Variants in SEPTIN9 observed in about 807,000 individuals in gnomAD.
The protein encoded by SEPTIN9 is septin-9.
A neutral mutation model predicts 56.6 loss-of-function variants in SEPTIN9; 13 were observed. That is an observed-to-expected ratio of 0.23 (90% CI 0.15 to 0.37). The LOEUF (loss-of-function observed/expected upper bound fraction) is 0.37, where lower values mean the gene tolerates loss of function less well. Among genes scored for constraint, SEPTIN9 ranks in the 10% least tolerant of loss-of-function variants. The pLI is 1.00. For missense variants in SEPTIN9, 650 were observed against 823.1 expected (o/e 0.79, Z 2.57); for synonymous variants, 332 against 334.1 (o/e 0.99, Z 0.07).
In SEPTIN9 at chr17:77,492,877, G is replaced by A. The variant is rs942702618; in HGVS notation, c.1477-103G>A. On this transcript the variant is annotated intron_variant, in intron 9 of 11. Transcript: ENST00000427177. The surrounding 1 kb of genome is among the most constrained non-coding windows in gnomAD (Gnocchi z 5.4). Reference sequence around the variant, plus strand: ...CCAGTGCTGTCAGGCTGAGGCTCTCGTTTTTGGGGGACCCCAGGCTCAGGG... The same window carrying A: ...CCAGTGCTGTCAGGCTGAGGCTCTCATTTTTGGGGGACCCCAGGCTCAGGG... The A allele has an allele frequency of 2.7e-5, 34 of 1,267,676 alleles. No homozygotes were observed. The Admixed American group carries it at 4.4e-4, about 16-fold the overall frequency. The allele number at this position is 1,267,676 out of a possible 1,614,324, so 78.5% of individuals were successfully genotyped here.
chr17:77,424,724 C>T (rs949002295), intron 3 of SEPTIN9, among the ~76,000 whole-genome samples: 21 of 152,212 alleles, frequency 1.4e-4, no homozygotes, highest in Non-Finnish European at 2.9e-4. Context: ...GTTGCTTTGT[C>T]TGTAAAATGG....
At chr17:77,459,521 G>A (rs1441300912) in intron 3 of SEPTIN9, among the ~76,000 whole-genome samples, 1 of 152,040 alleles carries the variant, frequency 6.6e-6, no homozygotes, top group Non-Finnish European at 1.5e-5. Context: ...CTAATACATT[G>A]TGTTCGTCCA....
At position 77,475,781 on chromosome 17, in the gene SEPTIN9, CAG is replaced by C. The variant is rs2039188096; in HGVS notation, c.722-6362_722-6361del. The C allele has an allele frequency of 6.8e-6, 11 of 1,613,300 alleles. No individual in the cohort carries two copies. The highest frequency in any genetic ancestry group is 9.3e-6 in the Non-Finnish European group (11 of 1,179,880). Reference sequence around the variant, plus strand: ...CCTGGACACGGGCCTGGAAGGCTGACAGGGTGTGGTGAGTGCCACCGGCTCCC... The same window carrying C: ...CCTGGACACGGGCCTGGAAGGCTGACGGTGTGGTGAGTGCCACCGGCTCCC... On this transcript the variant is annotated intron_variant, in intron 3 of 11. Transcript: ENST00000427177. This position sits in a 1 kb window ranked among gnomAD's most constrained non-coding sequence, Gnocchi z 4.6.
intron 3 of SEPTIN9, among the ~76,000 whole-genome samples, chr17:77,418,694 T>G (rs1246831153): frequency 6.6e-6 from 1 of 152,156 alleles, no homozygotes; most frequent in East Asian, 1.9e-4. Context: ...CCACGCCTCC[T>G]CCTTTCCTCA....
chr17:77,385,348 C>T (rs1283415617), intron 2 of SEPTIN9, among the ~76,000 whole-genome samples: 1 of 151,846 alleles, frequency 6.6e-6, no homozygotes, highest in African/African-American at 2.4e-5. Flanking sequence ...AGAGGAAAGC[C>T]TCCATTCGGA....
At chr17:77,480,162 C>G (rs781358283) in intron 3 of SEPTIN9, among the ~76,000 whole-genome samples, 7 of 152,186 alleles carry the variant, frequency 4.6e-5, no homozygotes, top group East Asian at 1.9e-4. Context: ...TGTGGACCCC[C>G]CCTTGGCATT....
At chr17:77,302,102 G>T (rs988728003) in intron 1 of SEPTIN9, among the ~76,000 whole-genome samples, 1 of 152,222 alleles carries the variant, frequency 6.6e-6, no homozygotes, top group Non-Finnish European at 1.5e-5. Flanking sequence ...AATAGTGTCT[G>T]CTCAGATTCT....
Position 77,499,393 on chromosome 17 carries a change from C to T in SEPTIN9, c.*735C>T. 1 of 547,470 alleles carries T rather than the reference C, an allele frequency of 1.8e-6. No homozygotes were observed. The highest frequency in any genetic ancestry group is 3.5e-6 in the Non-Finnish European group (1 of 282,872). 33.9% of individuals were successfully genotyped at this position (547,470 alleles called of 1,614,324 possible). A position where few individuals can be genotyped will look rare whatever the true frequency, so the allele number is the denominator to read the frequency against. The stretch of plus-strand genomic sequence containing the variant: ...ATCCCCCTCTCACGCCACCCCCGCC[C>T]CCACCGGGCTGCAGGTGCTGCTGAT... On this transcript the variant is annotated 3_prime_UTR_variant, in exon 12 of 12. Transcript: ENST00000427177.
intron 3 of SEPTIN9, among the ~76,000 whole-genome samples, chr17:77,427,630 A>G (rs1317543249): frequency 1.3e-5 from 2 of 152,184 alleles, no homozygotes; most frequent in African/African-American, 4.8e-5. Flanking sequence ...GTAGGTTGAC[A>G]TTGTCAGCCT....
rs34170928 is a variant in SEPTIN9 at position 77,341,784 on chromosome 17, C to CAAA, written c.76+34600_76+34602dup. On this transcript the variant is annotated intron_variant, in intron 2 of 11. Transcript: ENST00000427177. The stretch of plus-strand genomic sequence containing the variant: ...TGGGCAACAGAGCGAGACTCCATCT[C>CAAA]AAAAAAAAAAAAAAAGGGCCGGGCG... 1.3e-3 allele frequency among the ~76,000 whole-genome samples: 144 copies of CAAA among 113,382 alleles called. 1 individual carries two copies. The highest frequency in any genetic ancestry group is 4.9e-3 in the Middle Eastern group (1 of 204). The allele number at this position is 113,382 out of a possible 152,430, so 74.4% of individuals were successfully genotyped here. A position where few individuals can be genotyped will look rare whatever the true frequency, so the allele number is the denominator to read the frequency against.
Position 77,389,233 on chromosome 17 carries a change from CTGT to C in SEPTIN9, c.77-12820_77-12818del, listed in dbSNP as rs1197489997. Among the ~76,000 whole-genome samples, 1 of 152,070 alleles carries C rather than the reference CTGT, an allele frequency of 6.6e-6. No homozygotes were observed. On this transcript the variant is annotated intron_variant, in intron 2 of 11. Coordinates refer to ENST00000427177, the MANE Select transcript of SEPTIN9 (RefSeq NM_001113491.2). The surrounding 1 kb of genome is among the most constrained non-coding windows in gnomAD (Gnocchi z 4.3). ...AAAGGAGTGTTTGGGGAAGAGTCTG[CTGT>C]TGTTGGAGGGTCGGAAGTAGAGGGG...
intron 3 of SEPTIN9, chr17:77,454,123 C>T: frequency 5.1e-6 from 5 of 983,742 alleles, no homozygotes; most frequent in Non-Finnish European, 6.0e-6. Context: ...GCTGTGGGGG[C>T]TCCTCCCCGC....
intron 6 of SEPTIN9, 74 bp downstream of exon 6, chr17:77,488,395 A>G: frequency 7.0e-7 from 1 of 1,420,510 alleles, no homozygotes; most frequent in Non-Finnish European, 9.9e-7. Context: ...AGTCAGCCCT[A>G]GAGGTTTCCC....
chr17:77,402,805 G>A lies in SEPTIN9; in HGVS notation c.721+102G>A. On this transcript the variant is annotated intron_variant, in intron 3 of 11. Transcript: ENST00000427177. This position sits in a 1 kb window ranked among gnomAD's most constrained non-coding sequence, Gnocchi z 6.6. The stretch of plus-strand genomic sequence containing the variant: ...AGGAAGAAGCTGGATATGGGGTGGA[G>A]GGTGCTACCCTGGAGACCCAGAAAG... The A allele has an allele frequency of 7.9e-7, 1 of 1,258,144 alleles. No individual in the cohort carries two copies. The highest frequency in any genetic ancestry group is 1.1e-6 in the Non-Finnish European group (1 of 921,994). 77.9% of individuals were successfully genotyped at this position (1,258,144 alleles called of 1,614,324 possible). A position where few individuals can be genotyped will look rare whatever the true frequency, so the allele number is the denominator to read the frequency against.
chr17:77,380,629 C>T (rs1421284000), intron 2 of SEPTIN9, among the ~76,000 whole-genome samples: 2 of 152,178 alleles, frequency 1.3e-5, no homozygotes, highest in Admixed American at 1.3e-4. Context: ...TTGCAGACAC[C>T]TGGAGCGGCT....
At chr17:77,348,297 T>TTG (rs1424231649) in intron 2 of SEPTIN9, among the ~76,000 whole-genome samples, 476 of 142,058 alleles carry the variant, frequency 3.4e-3, no homozygotes, top group African/African-American at 0.011. Flanking sequence ...AATTTATGTT[T>TTG]TTTTTTTTTT....
intron 2 of SEPTIN9, among the ~76,000 whole-genome samples, chr17:77,340,919 C>G (rs2033705244): frequency 1.3e-5 from 2 of 152,244 alleles, no homozygotes; most frequent in South Asian, 2.1e-4. Flanking sequence ...CCTTCTCCAG[C>G]TTCCTCACTT....
intron 3 of SEPTIN9, among the ~76,000 whole-genome samples, chr17:77,442,399 A>G (rs998157466): frequency 6.8e-6 from 1 of 147,192 alleles, no homozygotes; most frequent in Non-Finnish European, 1.5e-5. Context: ...GGGTTTCACT[A>G]TGTTGGCCAG....
rs2034654405 is a variant in SEPTIN9 at position 77,369,340 on chromosome 17, C to A, written c.77-32719C>A. On this transcript the variant is annotated intron_variant, in intron 2 of 11. Coordinates refer to ENST00000427177, the MANE Select transcript of SEPTIN9 (RefSeq NM_001113491.2). The surrounding 1 kb of genome is among the most constrained non-coding windows in gnomAD (Gnocchi z 4.9). ...TGAGTGTTGTTGCTTTTGCTGGCCC[C>A]AGGTGGCCGGTTGTTGACCGTTAAC... Among the ~76,000 whole-genome samples the A allele has an allele frequency of 6.6e-6, 1 of 152,234 alleles. No individual in the cohort carries two copies. Among genetic ancestry groups the A allele is most frequent in the Admixed American group, 6.5e-5 (1 of 15,282 alleles).
Sources: gnomAD v4.1 joint callset for allele counts (sites outside exome capture counted in the v4.1 genomes callset) on GRCh38, gnomAD v4.1.1 for gene constraint, Gnocchi (gnomAD v3.1) non-coding constraint, MANE v1.5 for transcripts, NCBI Gene and HGNC (gene_info 2026-07-23, HGNC 2026-07-21) for gene names.